The following DENND4C variants were observed in gnomAD, a reference collection of about 807,000 sequenced individuals.
DENND4C encodes DENN domain-containing protein 4C.
Under a neutral mutation model 203.0 loss-of-function variants are expected in DENND4C, and 108 were observed. The ratio of observed to expected loss-of-function variants is 0.53; its 90% confidence interval spans 0.46 to 0.62. The LOEUF (loss-of-function observed/expected upper bound fraction) is 0.62, where lower values mean the gene tolerates loss of function less well. Ranked by LOEUF, DENND4C falls within the 20% of genes least tolerant of loss-of-function variation. The pLI, the probability that DENND4C is intolerant of heterozygous loss-of-function variation, is 0.00. For synonymous variants in DENND4C, 871 were observed against 792.4 expected, an observed-to-expected ratio of 1.10 and a Z score of -1.67; for missense variants, 2,481 against 2,301.2, an observed-to-expected ratio of 1.08 and a Z score of -1.60.
intron 20 of DENND4C, among the ~76,000 whole-genome samples, chr9:19,338,665 C>T (rs1317481578): frequency 6.6e-6 from 1 of 152,178 alleles, no homozygotes; most frequent in Non-Finnish European, 1.5e-5. Context: ...TACAGAGTCA[C>T]TTAGCTGTTA....
chr9:19,339,358 C>T (rs1487606429), intron 20 of DENND4C, among the ~76,000 whole-genome samples: 2 of 152,216 alleles, frequency 1.3e-5, no homozygotes, highest in African/African-American at 4.8e-5. Context: ...CTTAACCTGG[C>T]ATAGTTCTTT....
intron 2 of DENND4C, among the ~76,000 whole-genome samples, chr9:19,280,857 C>T (rs1833909012): frequency 6.6e-6 from 1 of 152,158 alleles, no homozygotes; most frequent in Non-Finnish European, 1.5e-5. Context: ...CCTCCCACCT[C>T]AGCCTCCCGA....
intron 1 of DENND4C, among the ~76,000 whole-genome samples, chr9:19,247,337 G>C (rs1825539558): frequency 6.6e-6 from 1 of 152,076 alleles, no homozygotes; most frequent in South Asian, 2.1e-4. Flanking sequence ...TTATTAATTT[G>C]CTCTTGACTC....
chr9:19,233,080 A>G (rs1199686142), intron 1 of DENND4C, among the ~76,000 whole-genome samples: 2 of 151,832 alleles, frequency 1.3e-5, no homozygotes, highest in Non-Finnish European at 2.9e-5. Flanking sequence ...TTTCAGTCAT[A>G]TGCTTGCACC....
chr9:19,345,520 T>C (rs1822678208), intron 22 of DENND4C, among the ~76,000 whole-genome samples: 1 of 152,228 alleles, frequency 6.6e-6, no homozygotes, highest in Non-Finnish European at 1.5e-5. Flanking sequence ...AATATACAAT[T>C]CCTATAAGAT....
chr9:19,257,524 A>G (rs1352127215), intron 1 of DENND4C, among the ~76,000 whole-genome samples: 1 of 152,178 alleles, frequency 6.6e-6, no homozygotes, highest in Non-Finnish European at 1.5e-5. Flanking sequence ...ATTAAACTCT[A>G]CATAAGCAGA....
chr9:19,318,563 CAA>C (rs1842221958), intron 12 of DENND4C, among the ~76,000 whole-genome samples: 1 of 152,128 alleles, frequency 6.6e-6, no homozygotes, highest in Non-Finnish European at 1.5e-5. Flanking sequence ...GCTGCCATAA[CAA>C]AGTACCACAG....
At chr9:19,290,186 T>C (rs1457105734) in intron 4 of DENND4C, among the ~76,000 whole-genome samples, 1 of 152,188 alleles carries the variant, frequency 6.6e-6, no homozygotes, top group African/African-American at 2.4e-5. Flanking sequence ...ACTTTCTGGG[T>C]CTCACATACT....
chr9:19,304,795 C>T (rs1427526371), intron 9 of DENND4C, among the ~76,000 whole-genome samples: 5 of 151,474 alleles, frequency 3.3e-5, no homozygotes, highest in South Asian at 4.2e-4. Context: ...GTGATCCACC[C>T]GCCTTGGCCT....
chr9:19,304,138 T>C (rs1291808643), intron 9 of DENND4C, among the ~76,000 whole-genome samples: 1 of 150,234 alleles, frequency 6.7e-6, no homozygotes, highest in Non-Finnish European at 1.5e-5. Flanking sequence ...TTTTTTTCTC[T>C]TTTTTCTTTT....
chr9:19,272,535 A>T (rs72698388), intron 1 of DENND4C, among the ~76,000 whole-genome samples: 1 of 151,682 alleles, frequency 6.6e-6, no homozygotes, highest in South Asian at 2.1e-4. Context: ...GGGATTAGAG[A>T]CATGAGCCAA....
intron 30 of DENND4C, among the ~76,000 whole-genome samples, chr9:19,363,077 G>T (rs942862946): frequency 3.5e-4 from 54 of 152,164 alleles, no homozygotes; most frequent in African/African-American, 1.3e-3. Context: ...CAGCAGGTTT[G>T]GTTTCTTCTG....
At chr9:19,296,288 T>C in intron 6 of DENND4C, 42 bp downstream of exon 6, 1 of 1,263,112 alleles carries the variant, frequency 7.9e-7, no homozygotes, top group Non-Finnish European at 1.1e-6. Context: ...GAAAACTGGG[T>C]ATATAAATAT....
intron 16 of DENND4C, among the ~76,000 whole-genome samples, chr9:19,330,949 A>T (rs551125751): frequency 6.6e-6 from 1 of 151,638 alleles, no homozygotes; most frequent in African/African-American, 2.4e-5. Context: ...CCAGCTACTC[A>T]GGAGGCTGAG....
chr9:19,255,311 A>G (rs1827670756), intron 1 of DENND4C, among the ~76,000 whole-genome samples: 1 of 152,086 alleles, frequency 6.6e-6, no homozygotes, highest in African/African-American at 2.4e-5. Context: ...AGGCTGAGCT[A>G]GAAGGATCAC....
intron 24 of DENND4C, 68 bp downstream of exon 24, chr9:19,350,947 G>T (rs941117088): frequency 6.8e-7 from 1 of 1,472,288 alleles, no homozygotes; most frequent in Non-Finnish European, 9.2e-7. Flanking sequence ...TTTAATTTAA[G>T]AGACGGGGTT....
chr9:19,241,805 C>G (rs576712707), intron 1 of DENND4C, among the ~76,000 whole-genome samples: 1 of 151,962 alleles, frequency 6.6e-6, no homozygotes, highest in South Asian at 2.1e-4. Flanking sequence ...ATCGCTTGAG[C>G]TCAGGAGATT....
At chr9:19,277,086 T>C (rs1175219388) in intron 2 of DENND4C, among the ~76,000 whole-genome samples, 1 of 152,124 alleles carries the variant, frequency 6.6e-6, no homozygotes, top group Non-Finnish European at 1.5e-5. Flanking sequence ...AGGATGTGCT[T>C]TTAGAATACC....
At chr9:19,283,240 T>C (rs776986650) in intron 2 of DENND4C, among the ~76,000 whole-genome samples, 28 of 151,874 alleles carry the variant, frequency 1.8e-4, no homozygotes, top group Non-Finnish European at 3.8e-4. Flanking sequence ...CCCTACAGAG[T>C]CAGGATCATC....
Sources: gnomAD v4.1 joint callset for allele counts (sites outside exome capture counted in the v4.1 genomes callset) on GRCh38, gnomAD v4.1.1 for gene constraint, MANE v1.5 for transcripts, NCBI Gene and HGNC (gene_info 2026-07-23, HGNC 2026-07-21) for gene names.